Variants in UBXN11 observed in about 807,000 individuals in gnomAD.
UBXN11 encodes UBX domain protein 11, also known as UBX domain-containing protein 11.
UBXN11 carries 47 observed loss-of-function variants against 62.8 expected under a neutral mutation model. That is an observed-to-expected ratio of 0.75 (90% CI 0.59 to 0.95). UBXN11 has a LOEUF of 0.95. Ranked by LOEUF, UBXN11 falls within the 40% of genes least tolerant of loss-of-function variation. The pLI, the probability that UBXN11 is intolerant of heterozygous loss-of-function variation, is 0.00. For synonymous variants in UBXN11, 294 were observed against 267.0 expected, an observed-to-expected ratio of 1.10 and a Z score of -0.99; for missense variants, 638 against 661.7, an observed-to-expected ratio of 0.96 and a Z score of 0.39.
At chr1:26,305,131 C>T (rs182139499) in intron 1 of UBXN11, among the ~76,000 whole-genome samples, 4 of 152,184 alleles carry the variant, frequency 2.6e-5, no homozygotes, top group East Asian at 3.9e-4. Flanking sequence ...GATGGAGTCT[C>T]GCTCTGTCGC....
chr1:26,282,314 A>C lies in UBXN11; in HGVS notation c.1548T>G (p.Ser516Arg). 2 of 1,441,684 alleles carry C rather than the reference A, an allele frequency of 1.4e-6. No homozygotes were observed. Among genetic ancestry groups the C allele is most frequent in the East Asian group, 3.0e-5 (1 of 33,788 alleles). The allele number at this position is 1,441,684 out of a possible 1,614,324, so 89.3% of individuals were successfully genotyped here. Residue 516 changes from serine to arginine, a missense_variant, in exon 15 of 15, where the codon AGT (serine) becomes AGG (arginine). By Grantham distance (110) the Ser-to-Arg change is moderately radical (BLOSUM62 -1). Coordinates refer to ENST00000374222, the MANE Select transcript of UBXN11 (RefSeq NM_001389556.1). ...GPGPSPCPGP[S>R]PSPQ The stretch of plus-strand genomic sequence containing the variant: ...GGCGGGTGCTTTATTGGGGGCTGGG[A>C]CTGGGTCCAGGACAGGGACTGGGGC...
chr1:26,291,803 T>C (rs1557683518), intron 8 of UBXN11, among the ~76,000 whole-genome samples: 1 of 152,092 alleles, frequency 6.6e-6, no homozygotes, highest in Admixed American at 6.5e-5. Context: ...CCACCCTGGG[T>C]TCAGTTAGAG....
At chr1:26,284,298 A>G (rs2073072937) in intron 11 of UBXN11, 53 bp from the exon 12 acceptor site, 1 of 1,610,204 alleles carries the variant, frequency 6.2e-7, no homozygotes, top group Non-Finnish European at 8.5e-7. Flanking sequence ...GTGGTGGTGG[A>G]GCCCCCCTGG....
intron 1 of UBXN11, among the ~76,000 whole-genome samples, chr1:26,303,599 C>G (rs2073590876): frequency 8.1e-6 from 1 of 123,720 alleles, no homozygotes; most frequent in Admixed American, 1.1e-4. Flanking sequence ...GCACTCCAAC[C>G]AACCTGGGCA....
chr1:26,307,869 C>T (rs978175084), upstream of UBXN11, among the ~76,000 whole-genome samples: 5 of 151,972 alleles, frequency 3.3e-5, no homozygotes, highest in Admixed American at 6.6e-5. Context: ...TCAAGCCATC[C>T]GCCCATCTCT....
intron 4 of UBXN11, among the ~76,000 whole-genome samples, chr1:26,299,310 G>C (rs745659861): frequency 6.6e-6 from 1 of 151,884 alleles, no homozygotes; most frequent in Non-Finnish European, 1.5e-5. Flanking sequence ...CCAGGAGTTC[G>C]AGACCAGCCT....
At chr1:26,295,201 C>T (rs2073364304) in intron 7 of UBXN11, among the ~76,000 whole-genome samples, 2 of 152,144 alleles carry the variant, frequency 1.3e-5, no homozygotes, top group South Asian at 4.2e-4. Flanking sequence ...ACCCCCTCCA[C>T]CTGAGAATCC....
rs777548967 is a variant in UBXN11, at chr1:26,300,908, T to C, written c.199+18A>G. On this transcript the variant is annotated intron_variant, in intron 4 of 14. Transcript: ENST00000374222. ...CTCCTGCAGCCAGGACCCAGACCCTTCAGGCCTCTGCTCTCACCTTGCCGA... is the reference window on the plus strand; with the variant it reads ...CTCCTGCAGCCAGGACCCAGACCCTCCAGGCCTCTGCTCTCACCTTGCCGA... The C allele has an allele frequency of 6.2e-7, 1 of 1,614,160 alleles. No homozygotes were observed. The highest frequency in any genetic ancestry group is 1.1e-5 in the South Asian group (1 of 91,088).
chr1:26,284,208 G>A lies in UBXN11; in HGVS notation c.1011C>T (p.Leu337=), dbSNP rs935193427. 13 of 1,613,026 alleles carry A rather than the reference G, an allele frequency of 8.1e-6. No homozygotes were observed. In the Admixed American group the frequency reaches 1.5e-4, roughly 19 times the overall value. ...RMTAEKFLNR[L]PKFVIRQGEV... ...CGCCTTGCCGGATCACAAACTTGGG[G>A]AGCCTGTTCAGAAATTTCTCAGCAG... The change falls in exon 12 of 15, where the codon CTC becomes CTT. Residue 337 remains leucine, a synonymous_variant. Transcript: ENST00000374222.
At chr1:26,296,606 TGCAGGGGCCAGCCC>T (rs1459527955) in intron 7 of UBXN11, among the ~76,000 whole-genome samples, 1 of 152,236 alleles carries the variant, frequency 6.6e-6, no homozygotes, top group East Asian at 1.9e-4. Flanking sequence ...TGAAGAGGCA[TGCAGGGGCCAGCCC>T]GCAGGGGCCA....
chr1:26,308,847 G>A (rs1378893287), upstream of UBXN11, among the ~76,000 whole-genome samples: 4 of 151,854 alleles, frequency 2.6e-5, no homozygotes, highest in South Asian at 2.1e-4. Flanking sequence ...GGGCCTGGCT[G>A]TAGATTCCGC....
intron 2 of UBXN11, 24 bp from the exon 3 acceptor site, chr1:26,301,746 G>T: frequency 6.2e-7 from 1 of 1,613,838 alleles, no homozygotes; most frequent in Non-Finnish European, 8.5e-7. Flanking sequence ...CAGGAAGAAG[G>T]AAGAAATATA....
upstream of UBXN11, among the ~76,000 whole-genome samples, chr1:26,308,935 A>ATTT (rs57323315): frequency 2.6e-3 from 276 of 108,130 alleles, 3 homozygotes; most frequent in East Asian, 3.2e-3. Flanking sequence ...CAGTCGTTTG[A>ATTT]TTTTTTTTTT....
intron 8 of UBXN11, among the ~76,000 whole-genome samples, 172 bp downstream of exon 8, chr1:26,294,033 T>TGG (rs2073336617): frequency 6.6e-6 from 1 of 152,118 alleles, no homozygotes; most frequent in African/African-American, 2.4e-5. Flanking sequence ...TGGTCAGTGA[T>TGG]GGAGGCCAAG....
intron 10 of UBXN11, 96 bp from the exon 11 acceptor site, chr1:26,284,578 T>C (rs781658861): frequency 2.2e-5 from 32 of 1,471,066 alleles, no homozygotes; most frequent in Non-Finnish European, 2.6e-5. Context: ...GCCAAGGGTA[T>C]GGTCTAATGC....
chr1:26,288,918 C>A (rs1557682080), intron 8 of UBXN11, among the ~76,000 whole-genome samples: 1 of 152,210 alleles, frequency 6.6e-6, no homozygotes, highest in Non-Finnish European at 1.5e-5. Flanking sequence ...ATCACATAGG[C>A]TGCCTCTCAA....
At chr1:26,293,903 T>C (rs752852063) in intron 8 of UBXN11, among the ~76,000 whole-genome samples, 1 of 152,086 alleles carries the variant, frequency 6.6e-6, no homozygotes, top group Non-Finnish European at 1.5e-5. Flanking sequence ...TGGTGGCGTT[T>C]TGTAGACTAT....
intron 1 of UBXN11, among the ~76,000 whole-genome samples, chr1:26,304,684 C>T (rs370893336): frequency 9.2e-5 from 14 of 152,156 alleles, no homozygotes; most frequent in African/African-American, 3.1e-4. Flanking sequence ...ACCCAGGAGG[C>T]GGAGGTTGCA....
At chr1:26,304,310 C>T (rs748521095) in intron 1 of UBXN11, among the ~76,000 whole-genome samples, 2 of 152,200 alleles carry the variant, frequency 1.3e-5, no homozygotes, top group East Asian at 1.9e-4. Flanking sequence ...TGCCCCAGCC[C>T]CTGCCCTGTC....
Sources: gnomAD v4.1 joint callset for allele counts (sites outside exome capture counted in the v4.1 genomes callset) on GRCh38, gnomAD v4.1.1 for gene constraint, MANE v1.5 for transcripts, NCBI Gene and HGNC (gene_info 2026-07-23, HGNC 2026-07-21) for gene names.